RB1: variants seen among roughly 807,000 people sequenced by gnomAD.
RB1 encodes retinoblastoma-associated protein.
RB1 carries 18 observed loss-of-function variants against 135.4 expected under a neutral mutation model. The ratio of observed to expected loss-of-function variants is 0.13; its 90% CI spans 0.09 to 0.20. The LOEUF (loss-of-function observed/expected upper bound fraction) is 0.20. Ranked by LOEUF, RB1 falls within the 10% of genes least tolerant of loss-of-function variation. RB1 has a pLI of 1.00. For missense variants in RB1, 868 were observed against 1,110.0 expected (o/e 0.78, Z 3.10); for synonymous variants, 365 against 373.2 (o/e 0.98, Z 0.25).
intron 2 of RB1, chr13:48,317,069 G>T: frequency 1.3e-6 from 1 of 778,932 alleles, no homozygotes; most frequent in South Asian, 2.7e-5. Context: ...GTGCCTTGCT[G>T]CTTGGCCAGG....
rs186780209 is a variant in RB1, at chr13:48,385,964, G to T, written c.1695+4521G>T. Among the ~76,000 whole-genome samples the T allele has an allele frequency of 2.5e-3, 383 of 151,648 alleles. 1 individual carries two copies. The highest frequency in any genetic ancestry group is 8.8e-3 in the African/African-American group (365 of 41,342). The stretch of plus-strand genomic sequence containing the variant: ...GGTGCACACCTAATCCCAGCATTTT[G>T]GGAGGCTGAGGTGGGAGGATCATTT... On this transcript the variant is annotated intron_variant, in intron 17 of 26. Coordinates refer to ENST00000267163, the MANE Select transcript of RB1 (RefSeq NM_000321.3).
At chr13:48,324,438 T>G (rs1952267167) in intron 2 of RB1, among the ~76,000 whole-genome samples, 1 of 152,018 alleles carries the variant, frequency 6.6e-6, no homozygotes, top group Admixed American at 6.6e-5. Context: ...AATATTTTTT[T>G]TTTTTTTTAA....
Position 48,321,544 on chromosome 13 carries a change from T to G in RB1, c.264+14138T>G, listed in dbSNP as rs182367610. 1.2e-3 allele frequency among the ~76,000 whole-genome samples: 179 copies of G among 152,116 alleles called. 1 individual carries two copies. The highest frequency in any genetic ancestry group is 2.9e-3 in the African/African-American group (120 of 41,514). On this transcript the variant is annotated intron_variant, in intron 2 of 26. Coordinates refer to ENST00000267163, the MANE Select transcript of RB1 (RefSeq NM_000321.3). ...GTATTTTTCATGTTTCTTGGCCATTTGTGTATCTTCTTTTGAAAAATGTCC... is the reference window on the plus strand; with the variant it reads ...GTATTTTTCATGTTTCTTGGCCATTGGTGTATCTTCTTTTGAAAAATGTCC...
chr13:48,461,601 A>G (rs1949405626), intron 20 of RB1, among the ~76,000 whole-genome samples: 1 of 152,086 alleles, frequency 6.6e-6, no homozygotes, highest in South Asian at 2.1e-4. Context: ...ACCATTTTAC[A>G]TGCCTACCAA....
chr13:48,428,837 A>C (rs974869033), intron 17 of RB1, among the ~76,000 whole-genome samples: 6 of 152,258 alleles, frequency 3.9e-5, no homozygotes, highest in Non-Finnish European at 7.3e-5. Flanking sequence ...TTCTGTGAAT[A>C]GTAAATTTAA....
chr13:48,464,958 C>CTTTTTTTTTTTTTTTTTTTTTTT (rs553094345), intron 21 of RB1, 40 bp from the exon 22 acceptor site: 73 of 832,618 alleles, frequency 8.8e-5, no homozygotes, highest in South Asian at 3.2e-4. Flanking sequence ...GTAAATTTTA[C>CTTTTTTTTTTTTTTTTTTTTTTT]TTTTTTTTTT....
chr13:48,330,145 A>G (rs892943149), intron 2 of RB1, among the ~76,000 whole-genome samples: 3 of 152,124 alleles, frequency 2.0e-5, no homozygotes, highest in Non-Finnish European at 4.4e-5. Context: ...ACATGGAAAC[A>G]GCACATCAAG....
chr13:48,347,950 T>G lies in RB1; in HGVS notation c.539+87T>G, dbSNP rs1593437363. Reference sequence around the variant, plus strand: ...AAACATCTTGATAGTTAGGGTTAGTTTGATCGATTATAGCAGGCTACTTCA... The same window carrying G: ...AAACATCTTGATAGTTAGGGTTAGTGTGATCGATTATAGCAGGCTACTTCA... On this transcript the variant is annotated intron_variant, in intron 5 of 26. Transcript: ENST00000267163. The G allele has an allele frequency of 1.1e-5, 11 of 1,035,894 alleles. No homozygotes were observed. In the East Asian group the frequency reaches 2.8e-4, roughly 26 times the overall value. 64.2% of individuals were successfully genotyped at this position (1,035,894 alleles called of 1,614,324 possible).
chr13:48,321,512 AT>A (rs1329175357), intron 2 of RB1, among the ~76,000 whole-genome samples: 1 of 151,832 alleles, frequency 6.6e-6, no homozygotes, highest in African/African-American at 2.4e-5. Flanking sequence ...GTGATTGGTG[AT>A]GTTGAGTATT....
intron 17 of RB1, among the ~76,000 whole-genome samples, chr13:48,399,223 TTGTTGTTTTACTCTTTCTC>T (rs1948671729): frequency 6.6e-6 from 1 of 152,042 alleles, no homozygotes; most frequent in Non-Finnish European, 1.5e-5. Context: ...GAGGTTTTTG[TTGTTGTTTTACTCTTTCTC>T]TGTTTTTAGT....
intron 17 of RB1, among the ~76,000 whole-genome samples, chr13:48,386,955 A>G (rs1467587425): frequency 1.3e-5 from 2 of 152,190 alleles, no homozygotes; most frequent in African/African-American, 4.8e-5. Context: ...GTTCATTGAG[A>G]TTGTTTCCAG....
intron 17 of RB1, among the ~76,000 whole-genome samples, chr13:48,395,573 T>A (rs1417677735): frequency 1.3e-5 from 2 of 151,526 alleles, no homozygotes; most frequent in Non-Finnish European, 2.9e-5. Flanking sequence ...CACGAGGACT[T>A]TGTGAAGCAT....
chr13:48,481,451 G>T lies in RB1; in HGVS notation c.*1380G>T. The T allele has an allele frequency of 4.3e-6, 1 of 231,216 alleles. No homozygotes were observed. Among genetic ancestry groups the T allele is most frequent in the East Asian group, 6.2e-5 (1 of 16,224 alleles). The allele number at this position is 231,216 out of a possible 1,614,324, so 14.3% of individuals were successfully genotyped here. Reference sequence around the variant, plus strand: ...GGGATATTTAAGGTAGCTTCAGCTAGCTTTTAGGAAAATCACTTTGTCTAA... The same window carrying T: ...GGGATATTTAAGGTAGCTTCAGCTATCTTTTAGGAAAATCACTTTGTCTAA... On this transcript the variant is annotated 3_prime_UTR_variant, in exon 27 of 27. Coordinates refer to ENST00000267163, the MANE Select transcript of RB1 (RefSeq NM_000321.3).
intron 11 of RB1, among the ~76,000 whole-genome samples, chr13:48,371,312 T>C (rs1404582921): frequency 6.6e-6 from 1 of 152,168 alleles, no homozygotes; most frequent in Non-Finnish European, 1.5e-5. Context: ...GACCTGTCAG[T>C]CTGTCTCAGT....
intron 6 of RB1, among the ~76,000 whole-genome samples, 197 bp from the exon 7 acceptor site, chr13:48,359,820 C>T (rs1157050767): frequency 1.3e-5 from 2 of 150,188 alleles, no homozygotes; most frequent in East Asian, 1.9e-4. Context: ...CATAACTTTA[C>T]ATATTTCTAT....
intron 17 of RB1, among the ~76,000 whole-genome samples, chr13:48,409,657 T>G (rs1322368266): frequency 7.5e-6 from 1 of 133,224 alleles, no homozygotes; most frequent in Non-Finnish European, 1.5e-5. Flanking sequence ...CTTGGCTCAC[T>G]GCAACCTCTG....
At chr13:48,342,521 G>A in intron 2 of RB1, 78 bp from the exon 3 acceptor site, 1 of 907,518 alleles carries the variant, frequency 1.1e-6, no homozygotes, top group Non-Finnish European at 1.8e-6. Flanking sequence ...GAAAAAATCA[G>A]TTATAATACA....
intron 17 of RB1, among the ~76,000 whole-genome samples, chr13:48,425,569 G>T (rs1355792019): frequency 6.6e-6 from 1 of 152,068 alleles, no homozygotes; most frequent in Non-Finnish European, 1.5e-5. Flanking sequence ...TCTAATCCAA[G>T]TTACTAAAAA....
rs756125607 is a variant in RB1 at position 48,367,623 on chromosome 13, T to C, written c.1049+20T>C. On this transcript the variant is annotated intron_variant, in intron 10 of 26. Transcript: ENST00000267163. Reference sequence around the variant, plus strand: ...AGACAGGTATTGCACATGGTATATTTGATTGATTTGCTTTAGATATAGGTT... The same window carrying C: ...AGACAGGTATTGCACATGGTATATTCGATTGATTTGCTTTAGATATAGGTT... 13 of 1,596,840 alleles carry C rather than the reference T, an allele frequency of 8.1e-6. No homozygotes were observed. Among genetic ancestry groups the C allele is most frequent in the African/African-American group, 1.3e-5 (1 of 74,668 alleles).
Sources: allele counts gnomAD v4.1 joint callset (sites outside exome capture counted in the v4.1 genomes callset), GRCh38; gene constraint gnomAD v4.1.1; transcripts MANE v1.5; gene names NCBI Gene and HGNC (gene_info 2026-07-23, HGNC 2026-07-21).